The following P4HA1 variants were observed in gnomAD, a reference collection of about 807,000 sequenced individuals.
P4HA1 encodes the protein prolyl 4-hydroxylase subunit alpha-1.
Under a neutral mutation model 72.8 loss-of-function variants are expected in P4HA1, and 24 were observed. That is an observed-to-expected ratio of 0.33 (90% CI 0.24 to 0.46). The LOEUF is 0.46. Among genes scored for constraint, P4HA1 ranks in the 20% least tolerant of loss-of-function variants. The probability of loss-of-function intolerance (pLI) is 1.00; values close to 1 mark genes in which losing one functional copy is unlikely to be tolerated. For missense variants in P4HA1, 446 were observed against 640.6 expected (o/e 0.70, Z 3.28); for synonymous variants, 201 against 218.8 (o/e 0.92, Z 0.72).
intron 5 of P4HA1, chr10:73,065,446 A>G (rs1348484694): frequency 1.3e-5 from 2 of 152,218 alleles, no homozygotes; most frequent in Non-Finnish European, 2.9e-5. Flanking sequence ...GATGAAACTA[A>G]TCAAGGAGTG....
intron 5 of P4HA1, among the ~76,000 whole-genome samples, chr10:73,064,428 T>C (rs770546258): frequency 1.7e-4 from 26 of 152,250 alleles, no homozygotes; most frequent in African/African-American, 6.3e-4. Flanking sequence ...TGAGCTGTGA[T>C]TGTGCCACTG....
intron 2 of P4HA1, among the ~76,000 whole-genome samples, chr10:73,074,205 A>G (rs1841636927): frequency 6.6e-6 from 1 of 152,112 alleles, no homozygotes; most frequent in Non-Finnish European, 1.5e-5. Flanking sequence ...ACTAATTAGA[A>G]TTAAATTTTT....
intron 10 of P4HA1, among the ~76,000 whole-genome samples, chr10:73,022,963 C>G (rs1840172202): frequency 6.6e-6 from 1 of 152,000 alleles, no homozygotes; most frequent in Admixed American, 6.6e-5. Flanking sequence ...TAGAAAGAAA[C>G]AAATAAAGCC....
intron 1 of P4HA1, among the ~76,000 whole-genome samples, chr10:73,095,961 G>A (rs1232860680): frequency 2.0e-5 from 3 of 152,146 alleles, no homozygotes; most frequent in African/African-American, 7.2e-5. Context: ...ACACAACCAT[G>A]GAATTTGTTG....
intron 9 of P4HA1, among the ~76,000 whole-genome samples, chr10:73,037,592 C>T (rs1200486474): frequency 6.6e-4 from 33 of 49,740 alleles, no homozygotes; most frequent in African/African-American, 1.5e-3. Flanking sequence ...TTTTTTTTTA[C>T]AAAGGCAAAA....
intron 9 of P4HA1, chr10:73,043,773 A>G (rs1451971707): frequency 2.5e-6 from 2 of 792,462 alleles, no homozygotes; most frequent in African/African-American, 1.7e-5. Context: ...ATTATCAAAC[A>G]TCTATGCCTA....
intron 1 of P4HA1, among the ~76,000 whole-genome samples, chr10:73,095,044 T>C (rs1196671214): frequency 3.9e-5 from 6 of 152,128 alleles, no homozygotes; most frequent in Non-Finnish European, 5.9e-5. Flanking sequence ...TTAGTCTATG[T>C]AAATCTAAGA....
chr10:73,084,833 A>T (rs550639674), intron 1 of P4HA1, among the ~76,000 whole-genome samples: 1 of 152,210 alleles, frequency 6.6e-6, no homozygotes, highest in Non-Finnish European at 1.5e-5. Flanking sequence ...ACCATTTTGA[A>T]GTTTAAGACA....
intron 10 of P4HA1, among the ~76,000 whole-genome samples, chr10:73,022,941 G>C (rs987910038): frequency 5.9e-5 from 9 of 152,130 alleles, no homozygotes; most frequent in African/African-American, 2.4e-5. Flanking sequence ...GACAAGTTTA[G>C]AGAAAAATGA....
chr10:73,058,553 G>A (rs1272809767), intron 5 of P4HA1, among the ~76,000 whole-genome samples: 1 of 152,106 alleles, frequency 6.6e-6, no homozygotes, highest in Admixed American at 6.5e-5. Flanking sequence ...ACGGTGCAGA[G>A]ATCTACCTGT....
intron 4 of P4HA1, among the ~76,000 whole-genome samples, chr10:73,070,263 T>G (rs955231849): frequency 6.9e-6 from 1 of 144,484 alleles, no homozygotes; most frequent in African/African-American, 2.6e-5. Flanking sequence ...TTCAAGCAAT[T>G]CTCCTGCCTC....
intron 9 of P4HA1, among the ~76,000 whole-genome samples, chr10:73,036,405 C>G (rs760572080): frequency 2.0e-5 from 3 of 150,460 alleles, no homozygotes; most frequent in Non-Finnish European, 4.4e-5. Flanking sequence ...GTAACACTCC[C>G]TTTTTTTTTG....
intron 9 of P4HA1, among the ~76,000 whole-genome samples, chr10:73,043,163 A>C (rs1483946426): frequency 6.6e-6 from 1 of 152,226 alleles, no homozygotes; most frequent in African/African-American, 2.4e-5. Context: ...AATCATTATC[A>C]AGTATAAACA....
chr10:73,072,054 A>G lies in P4HA1; in HGVS notation c.300T>C (p.Asn100=), dbSNP rs1373054624. 6.2e-7 allele frequency: 1 copy of G among 1,612,622 alleles called. No homozygotes were observed. Among genetic ancestry groups the G allele is most frequent in the East Asian group, 2.2e-5 (1 of 44,836 alleles). ...CATCTGACATATCCTTAAGGACCAG[A>G]TTCTCCAACTCACTCCACTCAGTAT... ...RLNTEWSELE[N]LVLKDMSDGF... Residue 100 remains asparagine (N), a synonymous_variant, in exon 4 of 15, where the codon AAT becomes AAC. Transcript: ENST00000394890.
At chr10:73,071,095 A>C (rs1336787761) in intron 4 of P4HA1, among the ~76,000 whole-genome samples, 1 of 151,592 alleles carries the variant, frequency 6.6e-6, no homozygotes, top group Non-Finnish European at 1.5e-5. Flanking sequence ...CTGAGGTGGG[A>C]GGATTGCTTG....
intron 14 of P4HA1, 188 bp downstream of exon 14, chr10:73,009,613 TTAAAAA>T (rs35875050): frequency 0.14 from 69,595 of 507,622 alleles, 5,679 homozygotes; most frequent in East Asian, 0.27. Context: ...GTAAAAATAG[TTAAAAA>T]TAAAATCTGT....
intron 10 of P4HA1, among the ~76,000 whole-genome samples, chr10:73,024,226 G>T (rs1287140959): frequency 2.0e-5 from 3 of 152,118 alleles, no homozygotes; most frequent in South Asian, 4.2e-4. Flanking sequence ...TTCTAAAACT[G>T]ACCACATAAT....
chr10:73,034,688 G>A (rs1840526101), intron 9 of P4HA1, among the ~76,000 whole-genome samples: 1 of 150,952 alleles, frequency 6.6e-6, no homozygotes, highest in Non-Finnish European at 1.5e-5. Flanking sequence ...TCCGGGCTCA[G>A]GTGACTCTTC....
chr10:73,056,696 G>A (rs148951254), intron 5 of P4HA1, among the ~76,000 whole-genome samples: 2,170 of 152,054 alleles, frequency 0.014, 22 homozygotes, highest in Non-Finnish European at 0.023. Flanking sequence ...ATATTGGAAT[G>A]GGAAAAACAA....
Sources: allele counts gnomAD v4.1 joint callset (sites outside exome capture counted in the v4.1 genomes callset), GRCh38; gene constraint gnomAD v4.1.1; transcripts MANE v1.5; gene names NCBI Gene and HGNC (gene_info 2026-07-23, HGNC 2026-07-21).